The following CUX1 variants were observed in gnomAD, a reference collection of about 807,000 sequenced individuals.
CUX1 encodes the protein cut like homeobox 1, also known as protein CASP.
A neutral mutation model predicts 158.8 loss-of-function variants in CUX1; 31 were observed. The observed-to-expected ratio is 0.20, with a 90% CI of 0.15 to 0.26. The LOEUF (loss-of-function observed/expected upper bound fraction) is 0.26, where lower values mean the gene tolerates loss of function less well. CUX1 is among the 10% of genes least tolerant of loss of function. The pLI is 1.00. For synonymous variants in CUX1, 879 were observed against 862.1 expected (o/e 1.02, Z -0.34); for missense variants, 1,589 against 2,014.6 (o/e 0.79, Z 4.04).
At chr7:101,991,587 T>C (rs1023324484) in intron 2 of CUX1, among the ~76,000 whole-genome samples, 2 of 152,036 alleles carry the variant, frequency 1.3e-5, no homozygotes, top group Non-Finnish European at 2.9e-5. Flanking sequence ...GGCCAAACCC[T>C]GTCTCTACTA....
intron 1 of CUX1, among the ~76,000 whole-genome samples, chr7:101,852,528 G>A (rs1392494552): frequency 6.6e-6 from 1 of 151,864 alleles, no homozygotes; most frequent in African/African-American, 2.4e-5. Flanking sequence ...CGAGGTGGGA[G>A]GATGGCTTGA....
intron 8 of CUX1, among the ~76,000 whole-genome samples, chr7:102,119,401 T>TG (rs1249437747): frequency 1.3e-5 from 2 of 152,216 alleles, no homozygotes; most frequent in African/African-American, 4.8e-5. Context: ...GGGCTGACTG[T>TG]GGCAGACAAC....
intron 17 of CUX1, 149 bp downstream of exon 17, chr7:102,200,321 C>A: frequency 1.6e-6 from 1 of 616,554 alleles, no homozygotes; most frequent in Non-Finnish European, 2.7e-6. Flanking sequence ...AGAAGCAGGT[C>A]TGTGTGATCT....
At chr7:102,133,295 G>A (rs1272769648) in intron 8 of CUX1, among the ~76,000 whole-genome samples, 1 of 151,708 alleles carries the variant, frequency 6.6e-6, no homozygotes, top group Non-Finnish European at 1.5e-5. Context: ...CCTTGCAGCC[G>A]GTTCTACCTT....
At chr7:102,263,027 T>C (rs1188960890), downstream of CUX1, among the ~76,000 whole-genome samples, 2 of 151,200 alleles carry the variant, frequency 1.3e-5, no homozygotes, top group African/African-American at 4.8e-5. Context: ...TTTTTTTTTT[T>C]TTTGGAGATG....
intron 18 of CUX1, among the ~76,000 whole-genome samples, chr7:102,202,602 C>A (rs1795564427): frequency 6.6e-6 from 1 of 152,172 alleles, no homozygotes; most frequent in Non-Finnish European, 1.5e-5. Context: ...GGCACCCCTG[C>A]AGGCTTCCTT....
chr7:102,037,972 T>G (rs1472673029), intron 3 of CUX1, among the ~76,000 whole-genome samples: 1 of 151,768 alleles, frequency 6.6e-6, no homozygotes, highest in African/African-American at 2.4e-5. Context: ...CGAGAGTTGC[T>G]TGAACCTGGG....
At chr7:102,129,955 C>T (rs1214758135) in intron 8 of CUX1, among the ~76,000 whole-genome samples, 2 of 152,080 alleles carry the variant, frequency 1.3e-5, no homozygotes, top group Non-Finnish European at 2.9e-5. Flanking sequence ...TCGGGGATTT[C>T]GTTAAAAAAC....
At chr7:101,974,551 A>G (rs578239512) in intron 2 of CUX1, among the ~76,000 whole-genome samples, 6 of 152,344 alleles carry the variant, frequency 3.9e-5, no homozygotes, top group Admixed American at 1.3e-4. Flanking sequence ...ATGAGATGAA[A>G]GTCAGCTAAA....
In CUX1 at chr7:102,000,226, AAGAG is replaced by A. The variant is rs373695553; in HGVS notation, c.142-27858_142-27855del. On this transcript the variant is annotated intron_variant, in intron 2 of 23. Transcript: ENST00000292535. ...AGCAAAACTCTATCTCAAAAAAAAA[AAGAG>A]AGAGAGAGAGAGACCCTAGTTTAGC... Among the ~76,000 whole-genome samples, 830 of 150,748 alleles carry A rather than the reference AAGAG, an allele frequency of 5.5e-3. 13 individuals are homozygous for A. The highest frequency in any genetic ancestry group is 0.02 in the African/African-American group (805 of 41,148).
intron 7 of CUX1, chr7:102,111,982 T>TGGGA: frequency 1.9e-6 from 1 of 524,980 alleles, no homozygotes; most frequent in Admixed American, 3.4e-5. Context: ...AATGTAGAGG[T>TGGGA]GGGAGGATCT....
intron 2 of CUX1, among the ~76,000 whole-genome samples, chr7:102,014,089 G>A (rs1306993606): frequency 6.6e-6 from 1 of 152,122 alleles, no homozygotes. Flanking sequence ...GTACTGAGCC[G>A]TGTGTATCCT....
At chr7:102,102,464 A>ACTAAGC (rs1829885808) in intron 5 of CUX1, among the ~76,000 whole-genome samples, 1 of 143,988 alleles carries the variant, frequency 6.9e-6, no homozygotes, top group Non-Finnish European at 1.5e-5. Flanking sequence ...GCTTGTATGC[A>ACTAAGC]CTAAGCCGCG....
At position 102,257,665 on chromosome 7, in the gene CUX1, G is replaced by C; in HGVS notation, c.*8623G>C. ...CTAACAGCACAAGACGCACTCACAG[G>C]GTGGCGGAATCTTCCGGAAAACTCT... On this transcript the variant is annotated 3_prime_UTR_variant, in exon 24 of 24. Transcript: ENST00000292535. 1 of 985,304 alleles carries C rather than the reference G, an allele frequency of 1.0e-6. No homozygotes were observed. Among genetic ancestry groups the C allele is most frequent in the Non-Finnish European group, 1.2e-6 (1 of 829,932 alleles). 61.0% of individuals were successfully genotyped at this position (985,304 alleles called of 1,614,324 possible). A position where few individuals can be genotyped will look rare whatever the true frequency, so the allele number is the denominator to read the frequency against.
chr7:102,074,830 A>G (rs1158422628), intron 4 of CUX1, among the ~76,000 whole-genome samples: 2 of 152,122 alleles, frequency 1.3e-5, no homozygotes, highest in Admixed American at 6.5e-5. Flanking sequence ...GGCGGGTAGC[A>G]TCACCTCCCA....
intron 3 of CUX1, among the ~76,000 whole-genome samples, chr7:102,063,945 G>T (rs188966257): frequency 3.9e-4 from 59 of 152,328 alleles, no homozygotes; most frequent in South Asian, 1.9e-3. Context: ...GGTGGTGGTG[G>T]GAGGGGCCGC....
At chr7:102,154,407 C>T (rs1836019302) in intron 8 of CUX1, 1 of 148,070 alleles carries the variant, frequency 6.8e-6, no homozygotes, top group Non-Finnish European at 1.5e-5. Flanking sequence ...CCCAGGAGTT[C>T]AAGACCAGCC....
intron 1 of CUX1, among the ~76,000 whole-genome samples, chr7:101,914,823 C>T (rs1803989775): frequency 6.6e-6 from 1 of 152,100 alleles, no homozygotes; most frequent in Non-Finnish European, 1.5e-5. Flanking sequence ...AAGTTGACAG[C>T]ATGATTTCAT....
chr7:102,145,262 C>G (rs1266820077), intron 8 of CUX1, among the ~76,000 whole-genome samples: 2 of 151,910 alleles, frequency 1.3e-5, no homozygotes, highest in Admixed American at 6.6e-5. Flanking sequence ...AAAAGATTCT[C>G]CACCCCACTG....
Sources: gnomAD v4.1 joint callset for allele counts (sites outside exome capture counted in the v4.1 genomes callset) on GRCh38, gnomAD v4.1.1 for gene constraint, MANE v1.5 for transcripts, NCBI Gene and HGNC (gene_info 2026-07-23, HGNC 2026-07-21) for gene names.